The following EEFSEC variants were observed in gnomAD, a reference collection of about 807,000 sequenced individuals.
The protein encoded by EEFSEC is selenocysteine-specific elongation factor.
EEFSEC carries 43 observed loss-of-function variants against 42.1 expected under a neutral mutation model. The ratio of observed to expected loss-of-function variants is 1.02; its 90% CI spans 0.80 to 1.32. EEFSEC has a LOEUF of 1.32. Ranked by LOEUF, EEFSEC falls within the 40% of genes most tolerant of loss-of-function variation. The pLI, the probability that EEFSEC is intolerant of heterozygous loss-of-function variation, is 0.00. For synonymous variants in EEFSEC, 354 were observed against 339.1 expected, an observed-to-expected ratio of 1.04 and a Z score of -0.48; for missense variants, 745 against 803.6, an observed-to-expected ratio of 0.93 and a Z score of 0.88.
At chr3:128,341,096 C>G in intron 4 of EEFSEC, 137 bp from the exon 5 acceptor site, 1 of 1,069,924 alleles carries the variant, frequency 9.3e-7, no homozygotes, top group South Asian at 1.6e-5. Flanking sequence ...TGCCTGGGCC[C>G]CAGACCCCCC....
At position 128,407,944 on chromosome 3, in the gene EEFSEC, C is replaced by G. The variant is rs1399962930; in HGVS notation, c.1601-125C>G. 13 of 912,858 alleles carry G rather than the reference C, an allele frequency of 1.4e-5. No homozygotes were observed. In the South Asian group the frequency reaches 1.4e-4, roughly 10 times the overall value. 56.5% of individuals were successfully genotyped at this position (912,858 alleles called of 1,614,324 possible). A position where few individuals can be genotyped will look rare whatever the true frequency, so the allele number is the denominator to read the frequency against. ...CAAAATGTCAGAATGGACCACAGGC[C>G]TCAGGGCTGATTGGCTAGGGAGGGA... On this transcript the variant is annotated intron_variant, in intron 6 of 6. Coordinates refer to ENST00000254730, the MANE Select transcript of EEFSEC (RefSeq NM_021937.5).
the EEFSEC span, among the ~76,000 whole-genome samples, chr3:128,421,074 TG>T: frequency 2.6e-5 from 4 of 152,128 alleles, no homozygotes; most frequent in African/African-American, 9.7e-5. Context: ...GGAGCCAGCG[TG>T]GCAGGCTTTG....
intron 4 of EEFSEC, among the ~76,000 whole-genome samples, chr3:128,320,724 C>G (rs149784720): frequency 5.3e-5 from 8 of 152,332 alleles, no homozygotes; most frequent in African/African-American, 1.4e-4. Flanking sequence ...ACCATTCTCT[C>G]GAGGAGGTCC....
intron 2 of EEFSEC, among the ~76,000 whole-genome samples, chr3:128,260,720 C>A (rs931684228): frequency 6.6e-6 from 1 of 152,186 alleles, no homozygotes; most frequent in Admixed American, 6.5e-5. Flanking sequence ...AGGAAGAGGG[C>A]AAGTTAAAAC....
At chr3:128,216,373 G>C (rs1045585455) in intron 1 of EEFSEC, among the ~76,000 whole-genome samples, 7 of 152,192 alleles carry the variant, frequency 4.6e-5, no homozygotes, top group African/African-American at 1.7e-4. Flanking sequence ...GTTTAGGCTT[G>C]ATTGGTTGTA....
intron 4 of EEFSEC, among the ~76,000 whole-genome samples, chr3:128,282,097 G>A (rs969187137): frequency 6.6e-6 from 1 of 152,226 alleles, no homozygotes; most frequent in East Asian, 1.9e-4. Flanking sequence ...GCCCACCAGG[G>A]CCCAGAGGAG....
At chr3:128,418,542 G>A in the EEFSEC span, among the ~76,000 whole-genome samples, 2 of 132,888 alleles carry the variant, frequency 1.5e-5, no homozygotes, top group South Asian at 2.5e-4. Context: ...AGCATCCCCC[G>A]TGCCCCACAG....
At chr3:128,158,709 T>C (rs1944422100) in intron 1 of EEFSEC, among the ~76,000 whole-genome samples, 1 of 152,270 alleles carries the variant, frequency 6.6e-6, no homozygotes, top group Admixed American at 6.5e-5. Context: ...AACATAACTT[T>C]TATACACATT....
At chr3:128,210,149 T>C (rs1174308156) in intron 1 of EEFSEC, among the ~76,000 whole-genome samples, 1 of 152,216 alleles carries the variant, frequency 6.6e-6, no homozygotes. Flanking sequence ...TTTGGGGCTA[T>C]GCCCATAGAA....
chr3:128,341,175 C>T (rs1559928957), intron 4 of EEFSEC, 58 bp from the exon 5 acceptor site: 20 of 1,536,386 alleles, frequency 1.3e-5, no homozygotes, highest in Non-Finnish European at 1.7e-6. Flanking sequence ...CTCCCCTCTC[C>T]TCCCCACAGC....
the EEFSEC span, among the ~76,000 whole-genome samples, chr3:128,417,717 T>C: frequency 6.6e-6 from 1 of 152,130 alleles, no homozygotes; most frequent in Non-Finnish European, 1.5e-5. This position sits in a 1 kb window ranked among gnomAD's most constrained non-coding sequence, Gnocchi z 4.3. Flanking sequence ...AGTTGTTCCA[T>C]GCAGGGTCCC....
chr3:128,382,433 A>G (rs899381419), intron 6 of EEFSEC, among the ~76,000 whole-genome samples: 1 of 152,202 alleles, frequency 6.6e-6, no homozygotes, highest in Non-Finnish European at 1.5e-5. Flanking sequence ...AGGTGCGCCT[A>G]CGTCTATGTG....
At chr3:128,156,120 C>T (rs1415196856) in intron 1 of EEFSEC, among the ~76,000 whole-genome samples, 1 of 152,246 alleles carries the variant, frequency 6.6e-6, no homozygotes, top group Non-Finnish European at 1.5e-5. Context: ...GAAGGACATA[C>T]TTTTGGAGTC....
At chr3:128,271,684 C>T (rs926662210) in intron 4 of EEFSEC, among the ~76,000 whole-genome samples, 5 of 152,130 alleles carry the variant, frequency 3.3e-5, no homozygotes, top group Non-Finnish European at 7.3e-5. Flanking sequence ...CAGATCAGGC[C>T]CTTCCTCTGC....
chr3:128,323,665 T>C (rs2067032114), intron 4 of EEFSEC, among the ~76,000 whole-genome samples: 1 of 152,194 alleles, frequency 6.6e-6, no homozygotes. Flanking sequence ...GAGCCCAAAG[T>C]TGGCCAGCCA....
intron 3 of EEFSEC, 90 bp from the exon 4 acceptor site, chr3:128,264,527 C>G: frequency 6.9e-7 from 1 of 1,456,370 alleles, no homozygotes; most frequent in Non-Finnish European, 9.4e-7. Context: ...CCTTGATGAA[C>G]TGCTGGTCAG....
intron 1 of EEFSEC, among the ~76,000 whole-genome samples, chr3:128,173,478 C>T (rs910100821): frequency 7.9e-5 from 12 of 152,210 alleles, no homozygotes; most frequent in African/African-American, 2.6e-4. Flanking sequence ...ACGTGAATGG[C>T]GCACCGGAGA....
At chr3:128,171,052 C>G (rs1204702284) in intron 1 of EEFSEC, among the ~76,000 whole-genome samples, 1 of 152,288 alleles carries the variant, frequency 6.6e-6, no homozygotes, top group East Asian at 1.9e-4. Context: ...GCTGTACAAT[C>G]GCAAACTGTC....
chr3:128,369,195 G>A (rs928737437), intron 6 of EEFSEC, among the ~76,000 whole-genome samples: 1 of 152,166 alleles, frequency 6.6e-6, no homozygotes, highest in East Asian at 1.9e-4. Flanking sequence ...CCACTTAGCT[G>A]GGAGGCTTCT....
Sources: gnomAD v4.1 joint callset for allele counts (sites outside exome capture counted in the v4.1 genomes callset) on GRCh38, gnomAD v4.1.1 for gene constraint, Gnocchi (gnomAD v3.1) non-coding constraint, MANE v1.5 for transcripts, NCBI Gene and HGNC (gene_info 2026-07-23, HGNC 2026-07-21) for gene names.